SPATA3: variants seen among roughly 807,000 people sequenced by gnomAD.
SPATA3 encodes the protein spermatogenesis associated 3, also known as spermatogenesis-associated protein 3.
SPATA3 carries 6 observed loss-of-function variants against 5.7 expected under a neutral mutation model. That is an observed-to-expected ratio of 1.06 (90% CI 0.58 to 2.09). The LOEUF (loss-of-function observed/expected upper bound fraction) is 2.09. Ranked by LOEUF, SPATA3 falls within the 30% of genes most tolerant of loss-of-function variation. The pLI is 0.00. For synonymous variants in SPATA3, 44 were observed against 48.4 expected, an observed-to-expected ratio of 0.91 and a Z score of 0.37; for missense variants, 155 against 130.4, an observed-to-expected ratio of 1.19 and a Z score of -0.92.
At chr2:231,009,450 G>C (rs938933677), downstream of SPATA3, among the ~76,000 whole-genome samples, 1 of 152,158 alleles carries the variant, frequency 6.6e-6, no homozygotes, top group African/African-American at 2.4e-5. Context: ...TCACAGTGAC[G>C]GGGGGATGCT....
At chr2:231,003,105 C>T (rs76308089), downstream of SPATA3, among the ~76,000 whole-genome samples, 7 of 152,312 alleles carry the variant, frequency 4.6e-5, no homozygotes, top group African/African-American at 1.4e-4. Context: ...GGTTTCTACC[C>T]ATCTCGGACC....
At chr2:231,006,702 A>C (rs1692639022), downstream of SPATA3, 1 of 152,240 alleles carries the variant, frequency 6.6e-6, no homozygotes, top group Non-Finnish European at 1.5e-5. Flanking sequence ...AGGCAGTTTG[A>C]TGTCCTTCCC....
intron 6 of SPATA3, among the ~76,000 whole-genome samples, chr2:231,017,382 A>G (rs4973369): frequency 0.29 from 43,975 of 152,146 alleles, 6,574 homozygotes; most frequent in Admixed American, 0.36. Flanking sequence ...CCACGGGTAC[A>G]ATGGGACTTT....
rs146996210 is a variant in SPATA3 at position 231,002,670 on chromosome 2, G to A, written c.963-14G>A. On this transcript the variant is annotated splice_polypyrimidine_tract_variant and intron_variant, in intron 2 of 2. Coordinates refer to ENST00000645363, the Ensembl canonical transcript of SPATA3. ...CCAGCTTCCCACCACCCCCACTTCT[G>A]CTTTGCTCTACAGAAAATCTTCAAG... 1.2e-3 allele frequency: 1,771 copies of A among 1,477,936 alleles called. 16 individuals carry two copies. In the African/African-American group the frequency reaches 0.022, roughly 18 times the overall value. 91.6% of individuals were successfully genotyped at this position (1,477,936 alleles called of 1,614,324 possible).
chr2:231,011,277 G>A (rs1692781119), downstream of SPATA3, among the ~76,000 whole-genome samples: 1 of 151,988 alleles, frequency 6.6e-6, no homozygotes, highest in Non-Finnish European at 1.5e-5. Context: ...ACCACATCTG[G>A]CTAATTTTTG....
intron 1 of SPATA3, chr2:230,996,149 G>A (rs1692107734): frequency 4.2e-6 from 6 of 1,422,248 alleles, no homozygotes; most frequent in African/African-American, 1.4e-5. Flanking sequence ...GGCTCCTAGG[G>A]CAGAGGGCAA....
chr2:231,005,361 CCACCAT>C, downstream of SPATA3, among the ~76,000 whole-genome samples: 1 of 58,250 alleles, frequency 1.7e-5, no homozygotes, highest in Non-Finnish European at 3.5e-5. Context: ...ATCACCACCA[CCACCAT>C]CATCACCACC....
At chr2:231,005,520 C>T (rs796482721), downstream of SPATA3, among the ~76,000 whole-genome samples, 8 of 304 alleles carry the variant, frequency 0.026, no homozygotes, top group Non-Finnish European at 0.047. Context: ...ACCACCATCA[C>T]CACCACCACC....
chr2:231,011,072 CAAAAAA>C (rs556496371), downstream of SPATA3, among the ~76,000 whole-genome samples: 154 of 79,840 alleles, frequency 1.9e-3, 4 homozygotes, highest in African/African-American at 8.4e-3. Flanking sequence ...GACCCTGTCT[CAAAAAA>C]AAAAAAAAAA....
chr2:231,016,764 C>G (rs1372054477), intron 6 of SPATA3, among the ~76,000 whole-genome samples: 2 of 152,120 alleles, frequency 1.3e-5, no homozygotes, highest in African/African-American at 4.8e-5. Context: ...TCTAGGGGGC[C>G]CCTCCCACCC....
downstream of SPATA3, among the ~76,000 whole-genome samples, chr2:231,011,119 G>T (rs10182427): frequency 5.7e-3 from 827 of 146,154 alleles, 7 homozygotes; most frequent in East Asian, 0.034. Context: ...TCAATCAATT[G>T]GTTATTATGT....
At chr2:230,997,463 T>C (rs1236495883) in intron 1 of SPATA3, among the ~76,000 whole-genome samples, 2 of 152,214 alleles carry the variant, frequency 1.3e-5, no homozygotes, top group Non-Finnish European at 2.9e-5. Context: ...GGCCCATGGA[T>C]AGGATAGCCA....
intron 6 of SPATA3, among the ~76,000 whole-genome samples, chr2:231,019,172 T>C (rs556491922): frequency 0.016 from 2,367 of 151,266 alleles, 28 homozygotes; most frequent in Middle Eastern, 0.038. Flanking sequence ...GGTTTCACCA[T>C]GTTAGCCAGG....
intron 6 of SPATA3, among the ~76,000 whole-genome samples, chr2:231,017,033 A>T (rs1478161656): frequency 6.6e-6 from 1 of 152,186 alleles, no homozygotes; most frequent in Admixed American, 6.5e-5. Context: ...CTCATTTTTA[A>T]ACAGCTGCAT....
At chr2:231,012,609 G>A (rs1282578451) in exon 5 of SPATA3, 2 of 152,130 alleles carry the variant, frequency 1.3e-5, no homozygotes, top group African/African-American at 4.8e-5. Flanking sequence ...TTAATGTGCT[G>A]ATAAACCAAC....
downstream of SPATA3, chr2:231,002,890 C>T: frequency 1.4e-6 from 1 of 727,982 alleles, no homozygotes. Flanking sequence ...AAGCCCCGGC[C>T]TCTCAAGGGA....
At chr2:231,016,932 A>C (rs941617620) in intron 6 of SPATA3, among the ~76,000 whole-genome samples, 4 of 152,124 alleles carry the variant, frequency 2.6e-5, no homozygotes, top group African/African-American at 9.7e-5. Flanking sequence ...TAAAATGTAC[A>C]TTTCCCCACC....
intron 1 of SPATA3, among the ~76,000 whole-genome samples, chr2:230,997,641 A>T (rs1318376218): frequency 6.6e-6 from 1 of 152,248 alleles, no homozygotes; most frequent in East Asian, 1.9e-4. Flanking sequence ...CTCAACATAA[A>T]AAACTTCCCA....
chr2:231,000,446 C>T (rs1172934696), exon 2 of SPATA3: 2 of 1,549,962 alleles, frequency 1.3e-6, no homozygotes, highest in Admixed American at 3.9e-5. Context: ...TCGTCTGGGG[C>T]TATGCCATAG....
Sources: gnomAD v4.1 joint callset for allele counts (sites outside exome capture counted in the v4.1 genomes callset) on GRCh38, gnomAD v4.1.1 for gene constraint, MANE v1.5 for transcripts, NCBI Gene and HGNC (gene_info 2026-07-23, HGNC 2026-07-21) for gene names.